The following TNRC6B variants were observed in gnomAD, a reference collection of about 807,000 sequenced individuals.
The protein encoded by TNRC6B is trinucleotide repeat containing adaptor 6B.
Under a neutral mutation model 203.6 loss-of-function variants are expected in TNRC6B, and 52 were observed. The ratio of observed to expected loss-of-function variants is 0.26; its 90% CI spans 0.20 to 0.32. TNRC6B has a LOEUF of 0.32. Among genes scored for constraint, TNRC6B ranks in the 10% least tolerant of loss-of-function variants. TNRC6B has a pLI of 1.00. For missense variants in TNRC6B, 1,923 were observed against 2,286.2 expected (o/e 0.84, Z 3.24); for synonymous variants, 838 against 845.7 (o/e 0.99, Z 0.16).
chr22:40,163,894 G>A (rs2068894679), intron 4 of TNRC6B, among the ~76,000 whole-genome samples: 1 of 151,998 alleles, frequency 6.6e-6, no homozygotes, highest in African/African-American at 2.4e-5. Flanking sequence ...GAAAAGATCA[G>A]GTTAAAGCTT....
In TNRC6B at chr22:40,331,806, A is replaced by T. The variant is rs1287700321; in HGVS notation, c.*8565A>T. On this transcript the variant is annotated 3_prime_UTR_variant, in exon 23 of 23. Coordinates refer to ENST00000454349, the MANE Select transcript of TNRC6B (RefSeq NM_001162501.2). ...GAGTAGCGTTGCATCCTTGTTCTTCAGTTTCTGTGTCCATGGTGTCCCCGT... is the reference window on the plus strand; with the variant it reads ...GAGTAGCGTTGCATCCTTGTTCTTCTGTTTCTGTGTCCATGGTGTCCCCGT... 2 of 372,408 alleles carry T rather than the reference A, an allele frequency of 5.4e-6. No homozygotes were observed. Among genetic ancestry groups the T allele is most frequent in the Non-Finnish European group, 9.6e-6 (2 of 207,756 alleles). 23.1% of individuals were successfully genotyped at this position (372,408 alleles called of 1,614,324 possible).
intron 1 of TNRC6B, among the ~76,000 whole-genome samples, chr22:40,232,877 C>A (rs937484527): frequency 1.4e-4 from 22 of 151,972 alleles, no homozygotes; most frequent in African/African-American, 4.6e-4. Flanking sequence ...CGTGGCTGGG[C>A]GCGATGGCTC....
intron 4 of TNRC6B, among the ~76,000 whole-genome samples, chr22:40,168,059 A>G (rs1193343846): frequency 6.6e-6 from 1 of 152,208 alleles, no homozygotes; most frequent in East Asian, 1.9e-4. Context: ...TCTAAGCCGT[A>G]GTGCCTCCAT....
chr22:40,237,925 G>C (rs1330007087), intron 1 of TNRC6B, among the ~76,000 whole-genome samples: 1 of 151,882 alleles, frequency 6.6e-6, no homozygotes, highest in African/African-American at 2.4e-5. Flanking sequence ...CTGAGGGCAG[G>C]GACCATCCTT....
intron 3 of TNRC6B, among the ~76,000 whole-genome samples, chr22:40,153,552 A>T: frequency 6.6e-6 from 1 of 151,800 alleles, no homozygotes; most frequent in South Asian, 2.1e-4. Flanking sequence ...TAAGCTAGAA[A>T]AAAAAAAACA....
At chr22:40,132,054 A>G (rs577491637) in intron 3 of TNRC6B, among the ~76,000 whole-genome samples, 54 of 152,206 alleles carry the variant, frequency 3.5e-4, no homozygotes, top group Non-Finnish European at 6.0e-4. Context: ...AAATATGAAA[A>G]TTACCTTCTG....
chr22:40,123,451 T>C (rs918105390), intron 2 of TNRC6B, among the ~76,000 whole-genome samples: 2 of 152,170 alleles, frequency 1.3e-5, no homozygotes, highest in African/African-American at 4.8e-5. Flanking sequence ...TTGAGAGCAG[T>C]GCCCTTTCAT....
chr22:40,281,384 T>G (rs2070719455), intron 11 of TNRC6B, 95 bp downstream of exon 11: 1 of 1,103,642 alleles, frequency 9.1e-7, no homozygotes, highest in Non-Finnish European at 1.2e-6. Flanking sequence ...CTTGGGAAAT[T>G]TGTTGATTAC....
At chr22:40,270,720 T>C (rs1477517368) in intron 6 of TNRC6B, among the ~76,000 whole-genome samples, 1 of 152,184 alleles carries the variant, frequency 6.6e-6, no homozygotes, top group African/African-American at 2.4e-5. Context: ...ATTCAGGACC[T>C]TGAGTGTTAA....
chr22:40,195,353 C>G (rs1201507202), intron 1 of TNRC6B, among the ~76,000 whole-genome samples: 1 of 152,184 alleles, frequency 6.6e-6, no homozygotes, highest in Non-Finnish European at 1.5e-5. Flanking sequence ...ATTCCTGATC[C>G]CAGTGTTTTC....
intron 12 of TNRC6B, among the ~76,000 whole-genome samples, chr22:40,290,394 C>CT (rs1218700866): frequency 6.6e-6 from 1 of 152,220 alleles, no homozygotes; most frequent in African/African-American, 2.4e-5. Flanking sequence ...GGCTGGTTCT[C>CT]TCGCTGAGAA....
intron 1 of TNRC6B, among the ~76,000 whole-genome samples, chr22:40,055,675 G>A (rs1195248145): frequency 6.6e-6 from 1 of 152,206 alleles, no homozygotes; most frequent in African/African-American, 2.4e-5. Flanking sequence ...CTTCAGTGGT[G>A]TACCTATAAC....
chr22:40,164,126 C>T (rs1017010721), intron 4 of TNRC6B, among the ~76,000 whole-genome samples: 18 of 151,546 alleles, frequency 1.2e-4, no homozygotes, highest in African/African-American at 4.4e-4. Context: ...AAGAAAGGTA[C>T]ATTGAAGCAC....
Position 40,330,827 on chromosome 22 carries a change from A to C in TNRC6B, c.*7586A>C, listed in dbSNP as rs1240222294. The C allele has an allele frequency of 6.6e-6, 1 of 152,594 alleles. No homozygotes were observed. The highest frequency in any genetic ancestry group is 2.4e-5 in the African/African-American group (1 of 41,414). The allele number at this position is 152,594 out of a possible 1,614,324, so 9.5% of individuals were successfully genotyped here. A position where few individuals can be genotyped will look rare whatever the true frequency, so the allele number is the denominator to read the frequency against. On this transcript the variant is annotated 3_prime_UTR_variant, in exon 23 of 23. Coordinates refer to ENST00000454349, the MANE Select transcript of TNRC6B (RefSeq NM_001162501.2). ...TTAGGGAAGTCAAAGTTCCTCCTGG[A>C]AGTCCCAGGAGCAGCTGTTGAGATT...
chr22:40,089,519 C>T (rs1270666759), intron 1 of TNRC6B, among the ~76,000 whole-genome samples: 1 of 152,150 alleles, frequency 6.6e-6, no homozygotes, highest in Non-Finnish European at 1.5e-5. Flanking sequence ...AGGCGTGAGC[C>T]ACTGCGCCCA....
chr22:40,118,417 T>C (rs998353176), intron 2 of TNRC6B, among the ~76,000 whole-genome samples: 2 of 152,220 alleles, frequency 1.3e-5, no homozygotes, highest in African/African-American at 4.8e-5. Context: ...ATTAGAAAGT[T>C]AAATAACTTG....
chr22:40,298,674 G>A (rs1175324157), intron 12 of TNRC6B, among the ~76,000 whole-genome samples: 1 of 152,198 alleles, frequency 6.6e-6, no homozygotes, highest in East Asian at 1.9e-4. Context: ...GCTTAGAAAT[G>A]GCAGAGCTGG....
At chr22:40,280,231 A>T in intron 10 of TNRC6B, 88 bp downstream of exon 10, 1 of 1,347,448 alleles carries the variant, frequency 7.4e-7, no homozygotes, top group Middle Eastern at 2.5e-4. Flanking sequence ...TAGAGGAAGC[A>T]TAGAATTACT....
At chr22:40,077,815 G>A (rs913748066) in intron 1 of TNRC6B, among the ~76,000 whole-genome samples, 1 of 152,166 alleles carries the variant, frequency 6.6e-6, no homozygotes, top group South Asian at 2.1e-4. Flanking sequence ...TTTCATGTCA[G>A]TGGATACATA....
Sources: gnomAD v4.1 joint callset for allele counts (sites outside exome capture counted in the v4.1 genomes callset) on GRCh38, gnomAD v4.1.1 for gene constraint, MANE v1.5 for transcripts, NCBI Gene and HGNC (gene_info 2026-07-23, HGNC 2026-07-21) for gene names.